RHBDF2: variants seen among roughly 807,000 people sequenced by gnomAD.
RHBDF2 encodes the protein rhomboid 5 homolog 2, also known as inactive rhomboid protein 2.
Under a neutral mutation model 95.2 loss-of-function variants are expected in RHBDF2, and 38 were observed. The observed-to-expected ratio is 0.40, with a 90% confidence interval of 0.31 to 0.52. The LOEUF (loss-of-function observed/expected upper bound fraction) is 0.52, where lower values mean the gene tolerates loss of function less well. Ranked by LOEUF, RHBDF2 falls within the 20% of genes least tolerant of loss-of-function variation. The pLI, the probability that RHBDF2 is intolerant of heterozygous loss-of-function variation, is 0.56. For missense variants in RHBDF2, 863 were observed against 1,137.7 expected (o/e 0.76, Z 3.47); for synonymous variants, 442 against 462.0 (o/e 0.96, Z 0.55).
rs1044319567 is a variant in RHBDF2, at chr17:76,475,257, G to C, written c.1116-116C>G. ...TCGCCTGGGCTCCCTGTTCTGCCCC[G>C]TCAACTCATCTCAAACCAGAGGAAC... is the stretch of plus-strand genomic sequence containing the variant. On this transcript the variant is annotated intron_variant, in intron 9 of 18. Coordinates refer to ENST00000675367, the MANE Select transcript of RHBDF2 (RefSeq NM_001005498.4). 9 of 676,694 alleles carry C rather than the reference G, an allele frequency of 1.3e-5. No homozygotes were observed. In the African/African-American group the frequency reaches 1.6e-4, roughly 12 times the overall value. 41.9% of individuals were successfully genotyped at this position (676,694 alleles called of 1,614,324 possible). A position where few individuals can be genotyped will look rare whatever the true frequency, so the allele number is the denominator to read the frequency against.
chr17:76,482,701 A>C (rs999420098), intron 2 of RHBDF2, among the ~76,000 whole-genome samples: 2 of 152,034 alleles, frequency 1.3e-5, no homozygotes, highest in African/African-American at 4.8e-5. Flanking sequence ...TGAACCCAGG[A>C]GGCAGAGGTT....
At chr17:76,472,133 G>C (rs543779283) in intron 18 of RHBDF2, 81 bp from the exon 19 acceptor site, 34 of 1,354,380 alleles carry the variant, frequency 2.5e-5, no homozygotes, top group Non-Finnish European at 2.8e-5. Context: ...TCATCCCATC[G>C]ATCAGCTCCT....
In RHBDF2 at chr17:76,471,675, G is replaced by A; in HGVS notation, c.2442C>T (p.Ser814=). 1 of 1,610,710 alleles carries A rather than the reference G, an allele frequency of 6.2e-7. No homozygotes were observed. The highest frequency in any genetic ancestry group is 8.5e-7 in the Non-Finnish European group (1 of 1,178,604). Residue 814 remains serine (S), a synonymous_variant, in exon 19 of 19, where the codon AGC becomes AGT. Transcript: ENST00000675367. ...CCAGCTCATACTTCTCGCAGAAGCG[G>A]CTGGTGAAGGGGAAGCAGGTGAGGT... ...IEHLTCFPFT[S]RFCEKYELDQ... is the part of the protein sequence containing the mutation.
rs746057879 is a variant in RHBDF2 at position 76,477,305 on chromosome 17, T to C, written c.802-7A>G. 2 of 1,610,512 alleles carry C rather than the reference T, an allele frequency of 1.2e-6. No individual in the cohort carries two copies. Among genetic ancestry groups the C allele is most frequent in the African/African-American group, 1.3e-5 (1 of 74,780 alleles). Reference sequence around the variant, plus strand: ...GCATGGAGCTCATTTCTTCCTGGGGTGGGGGACAAGAAAATACAGTGTAAG... The same window carrying C: ...GCATGGAGCTCATTTCTTCCTGGGGCGGGGGACAAGAAAATACAGTGTAAG... On this transcript the variant is annotated splice_polypyrimidine_tract_variant and splice_region_variant and intron_variant, in intron 7 of 18. Coordinates refer to ENST00000675367, the MANE Select transcript of RHBDF2 (RefSeq NM_001005498.4).
At chr17:76,492,179 T>C (rs958193147) in intron 1 of RHBDF2, among the ~76,000 whole-genome samples, 5 of 152,098 alleles carry the variant, frequency 3.3e-5, no homozygotes, top group Non-Finnish European at 5.9e-5. Context: ...ACAGACTCTA[T>C]TTCCTCCTCC....
Position 76,476,965 on chromosome 17 carries a change from T to C in RHBDF2, c.980A>G (p.Lys327Arg), listed in dbSNP as rs1165520332. The C allele has an allele frequency of 6.2e-7, 1 of 1,613,978 alleles. No homozygotes were observed. Among genetic ancestry groups the C allele is most frequent in the Non-Finnish European group, 8.5e-7 (1 of 1,180,032 alleles). ...CCGATCAAAGGCAAAGTGCTTCACC[T>C]TGGAGGCGATGCGCTTGCCGCGCCG... ...GPRRGKRIAS[K>R]VKHFAFDRKK... Residue 327 changes from lysine to arginine, a missense_variant, in exon 9 of 19, where the codon AAG (lysine) becomes AGG (arginine). Lys to Arg is a conservative substitution (Grantham distance 26, BLOSUM62 2). This residue lies in a region of RHBDF2 where 611 missense variants were observed against 725.5 expected (regional missense o/e 0.84). Transcript: ENST00000675367.
At chr17:76,474,344 C>T in intron 12 of RHBDF2, 29 bp downstream of exon 12, 1 of 1,601,672 alleles carries the variant, frequency 6.2e-7, no homozygotes, top group Non-Finnish European at 8.5e-7. Flanking sequence ...CAGGGTCTGG[C>T]AGGGGTAGGA....
intron 2 of RHBDF2, among the ~76,000 whole-genome samples, chr17:76,482,130 G>A (rs563248627): frequency 1.3e-5 from 2 of 152,186 alleles, no homozygotes; most frequent in East Asian, 1.9e-4. Flanking sequence ...GGTCTGGGAG[G>A]TCCTCAACTT....
intron 1 of RHBDF2, among the ~76,000 whole-genome samples, chr17:76,496,626 G>C (rs1034310579): frequency 1.3e-5 from 2 of 152,226 alleles, no homozygotes; most frequent in African/African-American, 4.8e-5. Flanking sequence ...ATTTAGTTGA[G>C]GCTAAGGGTG....
chr17:76,486,099 C>G (rs2074120607), intron 2 of RHBDF2, among the ~76,000 whole-genome samples: 1 of 148,034 alleles, frequency 6.8e-6, no homozygotes. Context: ...CACACACACA[C>G]ACACACACAC....
intron 1 of RHBDF2, chr17:76,488,253 A>C (rs946352597): frequency 6.6e-6 from 1 of 152,222 alleles, no homozygotes; most frequent in Non-Finnish European, 1.5e-5. Context: ...TAATCCCAGC[A>C]TTTTGGGAGG....
chr17:76,488,204 A>C (rs2074193853), intron 1 of RHBDF2: 1 of 152,224 alleles, frequency 6.6e-6, no homozygotes, highest in Non-Finnish European at 1.5e-5. Flanking sequence ...ACAGAACAGA[A>C]ACATTTAACT....
chr17:76,491,743 G>A (rs777173284), intron 1 of RHBDF2, among the ~76,000 whole-genome samples: 3 of 152,316 alleles, frequency 2.0e-5, no homozygotes, highest in Non-Finnish European at 4.4e-5. Flanking sequence ...GCAGAAGTTG[G>A]GGTGGGGGTG....
chr17:76,471,875 A>AGCC lies in RHBDF2; in HGVS notation c.2239_2241dup (p.Gly747dup). 1.9e-6 allele frequency: 3 copies of AGCC among 1,586,576 alleles called. No individual in the cohort carries two copies. Among genetic ancestry groups the AGCC allele is most frequent in the Non-Finnish European group, 2.6e-6 (3 of 1,166,324 alleles). Reference sequence around the variant, plus strand: ...AAGGCCAGCAGCAGGCCACTGAGGAAGCCGAAGATGTGGGCGATGTTGTCG... The same window carrying AGCC: ...AAGGCCAGCAGCAGGCCACTGAGGAAGCCGCCGAAGATGTGGGCGATGTTGTCG... On this transcript the variant is annotated inframe_insertion, in exon 19 of 19. Coordinates refer to ENST00000675367, the MANE Select transcript of RHBDF2 (RefSeq NM_001005498.4).
intron 2 of RHBDF2, among the ~76,000 whole-genome samples, chr17:76,483,098 G>A (rs72860894): frequency 0.13 from 20,492 of 152,106 alleles, 1,582 homozygotes; most frequent in South Asian, 0.22. Context: ...GAACCCGAGA[G>A]GAAGAGATTG....
intron 2 of RHBDF2, among the ~76,000 whole-genome samples, chr17:76,486,782 TTC>T (rs2074141876): frequency 6.6e-6 from 1 of 150,868 alleles, no homozygotes; most frequent in Non-Finnish European, 1.5e-5. Context: ...GGTGTGTGAA[TTC>T]TCTCTCAATG....
At chr17:76,492,036 C>CAG (rs2074314898) in intron 1 of RHBDF2, among the ~76,000 whole-genome samples, 1 of 152,192 alleles carries the variant, frequency 6.6e-6, no homozygotes, top group African/African-American at 2.4e-5. Flanking sequence ...ACCCAGCCCA[C>CAG]AGGCGGAACA....
chr17:76,474,256 T>A, intron 12 of RHBDF2, 114 bp from the exon 13 acceptor site: 1 of 1,362,668 alleles, frequency 7.3e-7, no homozygotes, highest in Middle Eastern at 1.9e-4. Flanking sequence ...TCTATGGGGG[T>A]CTGGGAAAGG....
chr17:76,488,888 C>A (rs61418299), intron 1 of RHBDF2, among the ~76,000 whole-genome samples: 58,233 of 151,870 alleles, frequency 0.38, 12,254 homozygotes, highest in Middle Eastern at 0.5. Context: ...GCGGAGGTTG[C>A]AGTGAGCCAA....
Sources: allele counts gnomAD v4.1 joint callset (sites outside exome capture counted in the v4.1 genomes callset), GRCh38; gene constraint gnomAD v4.1.1; regional missense constraint gnomAD v4.1.1; transcripts MANE v1.5; gene names NCBI Gene and HGNC (gene_info 2026-07-23, HGNC 2026-07-21).